Variants in NRXN1 observed in about 807,000 individuals in gnomAD.
NRXN1 encodes neurexin 1, also known as neurexin-1.
NRXN1 carries 39 observed loss-of-function variants against 150.9 expected under a neutral mutation model. The ratio of observed to expected loss-of-function variants is 0.26; its 90% confidence interval spans 0.20 to 0.34. The LOEUF (loss-of-function observed/expected upper bound fraction) is 0.34. Ranked by LOEUF, NRXN1 falls within the 10% of genes least tolerant of loss-of-function variation. The pLI is 1.00. For missense variants in NRXN1, 1,815 were observed against 1,949.9 expected (o/e 0.93, Z 1.30); for synonymous variants, 924 against 757.0 (o/e 1.22, Z -3.62).
At chr2:50,482,416 T>C (rs10190049) in intron 15 of NRXN1, among the ~76,000 whole-genome samples, 8,049 of 152,244 alleles carry the variant, frequency 0.053, 746 homozygotes, top group African/African-American at 0.18. Context: ...TTTCAGTTTT[T>C]TCCTTTTGTC....
chr2:50,144,934 T>C (rs976807027), intron 18 of NRXN1, among the ~76,000 whole-genome samples: 1 of 151,712 alleles, frequency 6.6e-6, no homozygotes, highest in African/African-American at 2.4e-5. Flanking sequence ...AAATTATATT[T>C]TAGTTATTCA....
chr2:50,853,348 A>C (rs1336389592), intron 5 of NRXN1, among the ~76,000 whole-genome samples: 1 of 152,100 alleles, frequency 6.6e-6, no homozygotes, highest in African/African-American at 2.4e-5. Context: ...ATAATTCTTC[A>C]TGTCCAAGTT....
intron 5 of NRXN1, among the ~76,000 whole-genome samples, chr2:50,886,634 C>T (rs1680292917): frequency 6.6e-6 from 1 of 151,338 alleles, no homozygotes. Context: ...AGTCTGTATT[C>T]TATCAATAGT....
intron 17 of NRXN1, among the ~76,000 whole-genome samples, chr2:50,237,434 T>G (rs1382111502): frequency 6.6e-6 from 1 of 151,968 alleles, no homozygotes; most frequent in Non-Finnish European, 1.5e-5. Context: ...GTGCTAGGAA[T>G]GTAACTTTTA....
chr2:50,987,039 C>G (rs1218993925), intron 2 of NRXN1, among the ~76,000 whole-genome samples: 1 of 151,758 alleles, frequency 6.6e-6, no homozygotes, highest in Non-Finnish European at 1.5e-5. Context: ...AATAAAAATG[C>G]ACTTATGTGA....
intron 8 of NRXN1, among the ~76,000 whole-genome samples, chr2:50,554,193 G>C (rs1558928484): frequency 6.6e-6 from 1 of 151,810 alleles, no homozygotes; most frequent in Non-Finnish European, 1.5e-5. Context: ...TGTATGTTTT[G>C]TTTTTCATTT....
At chr2:49,938,264 A>G (rs1335043349) in intron 22 of NRXN1, among the ~76,000 whole-genome samples, 2 of 152,208 alleles carry the variant, frequency 1.3e-5, no homozygotes, top group Non-Finnish European at 1.5e-5. Flanking sequence ...CTCTTTAGCT[A>G]TGAAAATGCT....
intron 2 of NRXN1, among the ~76,000 whole-genome samples, chr2:50,990,824 A>G (rs887994907): frequency 6.6e-6 from 1 of 151,972 alleles, no homozygotes; most frequent in Non-Finnish European, 1.5e-5. Flanking sequence ...GTGCTGCACT[A>G]AAAAAGCTTT....
chr2:50,087,335 G>A (rs569043179), intron 19 of NRXN1, among the ~76,000 whole-genome samples: 16 of 152,052 alleles, frequency 1.1e-4, no homozygotes, highest in African/African-American at 1.4e-4. Context: ...AGTATAAAAC[G>A]AACATTTGAC....
At chr2:50,894,880 G>C (rs1309020471) in intron 5 of NRXN1, among the ~76,000 whole-genome samples, 1 of 152,018 alleles carries the variant, frequency 6.6e-6, no homozygotes, top group African/African-American at 2.4e-5. Flanking sequence ...TCTAACATTT[G>C]TTTGACTAGG....
intron 5 of NRXN1, among the ~76,000 whole-genome samples, chr2:50,664,352 A>G (rs998090066): frequency 1.4e-5 from 2 of 147,730 alleles, no homozygotes; most frequent in Non-Finnish European, 3.0e-5. Flanking sequence ...TTTATCCCAA[A>G]TCTCTAACTT....
intron 5 of NRXN1, among the ~76,000 whole-genome samples, chr2:50,671,224 C>T (rs1447657967): frequency 1.3e-5 from 2 of 151,574 alleles, no homozygotes; most frequent in Non-Finnish European, 3.0e-5. Flanking sequence ...AACAACATTT[C>T]CCAAGTTGCT....
chr2:50,203,786 C>G (rs899616200), intron 18 of NRXN1, among the ~76,000 whole-genome samples: 1 of 152,088 alleles, frequency 6.6e-6, no homozygotes, highest in African/African-American at 2.4e-5. Context: ...GCTACAAAAT[C>G]AATAGTTCTT....
intron 5 of NRXN1, among the ~76,000 whole-genome samples, chr2:50,845,248 A>G (rs2105947664): frequency 1.3e-5 from 2 of 152,312 alleles, no homozygotes; most frequent in East Asian, 3.9e-4. Flanking sequence ...CATAATACCA[A>G]GAAGAACCAA....
chr2:49,970,884 C>A (rs575090899), intron 21 of NRXN1, among the ~76,000 whole-genome samples: 30 of 151,980 alleles, frequency 2.0e-4, no homozygotes, highest in Middle Eastern at 6.8e-3. Flanking sequence ...GAATAAAACA[C>A]TGGGAGCAGG....
intron 5 of NRXN1, among the ~76,000 whole-genome samples, chr2:50,816,670 C>T (rs1158840126): frequency 6.6e-6 from 1 of 152,060 alleles, no homozygotes; most frequent in Non-Finnish European, 1.5e-5. Flanking sequence ...AAGAGAAAGC[C>T]TCTCGTGATG....
At chr2:50,220,514 C>A (rs1039846227) in intron 18 of NRXN1, among the ~76,000 whole-genome samples, 3 of 151,966 alleles carry the variant, frequency 2.0e-5, no homozygotes, top group Admixed American at 6.6e-5. Context: ...CTCTTTCACA[C>A]TTTAGATTTC....
intron 8 of NRXN1, among the ~76,000 whole-genome samples, chr2:50,602,373 G>A (rs1438631940): frequency 6.6e-6 from 1 of 150,816 alleles, no homozygotes; most frequent in Admixed American, 6.6e-5. Context: ...CTGAAAGTTA[G>A]GTGTCTCTAA....
chr2:50,542,869 A>T (rs1472996855), intron 9 of NRXN1, among the ~76,000 whole-genome samples: 2 of 152,154 alleles, frequency 1.3e-5, no homozygotes, highest in Non-Finnish European at 2.9e-5. Flanking sequence ...CAGAATCCGA[A>T]TTAGTTTAAA....
Sources: gnomAD v4.1 joint callset for allele counts (sites outside exome capture counted in the v4.1 genomes callset) on GRCh38, gnomAD v4.1.1 for gene constraint, MANE v1.5 for transcripts, NCBI Gene and HGNC (gene_info 2026-07-23, HGNC 2026-07-21) for gene names.